Variants in MALRD1 observed in about 807,000 individuals in gnomAD.
MALRD1 encodes MAM and LDL-receptor class A domain-containing protein 1.
In MALRD1, 247 loss-of-function variants were observed where a neutral mutation model predicts 242.1. That is an observed-to-expected ratio of 1.02 (90% CI 0.92 to 1.13). MALRD1 has a LOEUF of 1.13. Ranked by LOEUF, MALRD1 falls within the 50% of genes most tolerant of loss-of-function variation. The probability of loss-of-function intolerance (pLI) is 0.00; values close to 1 mark genes in which losing one functional copy is unlikely to be tolerated. For synonymous variants in MALRD1, 995 were observed against 866.6 expected, an observed-to-expected ratio of 1.15 and a Z score of -2.60; for missense variants, 2,989 against 2,533.1, an observed-to-expected ratio of 1.18 and a Z score of -3.86.
At chr10:19,295,388 A>T (rs1203000962) in intron 21 of MALRD1, among the ~76,000 whole-genome samples, 1 of 151,586 alleles carries the variant, frequency 6.6e-6, no homozygotes, top group Admixed American at 6.6e-5. Flanking sequence ...ATAGTATCCA[A>T]TTGTATATAT....
At chr10:19,275,407 G>A (rs552005792) in intron 19 of MALRD1, among the ~76,000 whole-genome samples, 5 of 152,150 alleles carry the variant, frequency 3.3e-5, no homozygotes, top group Non-Finnish European at 5.9e-5. Flanking sequence ...GGTGGCTCAC[G>A]CCTGTAATCC....
chr10:19,055,890 C>T (rs929672182), intron 1 of MALRD1, among the ~76,000 whole-genome samples: 8 of 152,166 alleles, frequency 5.3e-5, no homozygotes, highest in Non-Finnish European at 7.3e-5. Flanking sequence ...CCACCTATTG[C>T]GTACTATTCT....
chr10:19,426,751 C>T (rs1405299360), intron 28 of MALRD1, among the ~76,000 whole-genome samples: 4 of 152,042 alleles, frequency 2.6e-5, no homozygotes, highest in Admixed American at 6.5e-5. Flanking sequence ...TGCAGTGAGC[C>T]GAGATCGTGC....
chr10:19,657,851 T>C (rs1259318742), intron 36 of MALRD1, among the ~76,000 whole-genome samples: 2 of 152,156 alleles, frequency 1.3e-5, no homozygotes, highest in Non-Finnish European at 2.9e-5. Flanking sequence ...ATTAGTTAAA[T>C]ACACGACTAA....
intron 31 of MALRD1, among the ~76,000 whole-genome samples, chr10:19,515,924 C>T (rs867304836): frequency 8.5e-5 from 13 of 152,242 alleles, no homozygotes; most frequent in Middle Eastern, 6.8e-3. Flanking sequence ...GGACATCATT[C>T]ACATGGGAAT....
intron 35 of MALRD1, among the ~76,000 whole-genome samples, chr10:19,613,768 A>C (rs746744173): frequency 1.3e-5 from 2 of 152,032 alleles, no homozygotes; most frequent in Non-Finnish European, 1.5e-5. Flanking sequence ...TTTCTGCACT[A>C]TCTTTGTATT....
At chr10:19,317,265 T>C (rs888519141) in intron 21 of MALRD1, among the ~76,000 whole-genome samples, 2 of 151,952 alleles carry the variant, frequency 1.3e-5, no homozygotes, top group African/African-American at 4.8e-5. Context: ...TAGAGACTTC[T>C]AGCTGTGTTT....
chr10:19,570,395 G>A (rs766482710), intron 33 of MALRD1, among the ~76,000 whole-genome samples: 2 of 152,054 alleles, frequency 1.3e-5, no homozygotes, highest in African/African-American at 2.4e-5. Flanking sequence ...GGCAAGAAAG[G>A]TTAAGTAATT....
rs74118814 is a variant in MALRD1, at chr10:19,167,691, C to T, written c.1830+1881C>T. ...TTTAGCCAGAGATAATATCAGTGTG[C>T]ATGCCTCCTGAGGACAGGCTGGCTC... On this transcript the variant is annotated intron_variant, in intron 13 of 39. Coordinates refer to ENST00000454679, the MANE Select transcript of MALRD1 (RefSeq NM_001142308.3). 5.8e-3 allele frequency among the ~76,000 whole-genome samples: 879 copies of T among 152,244 alleles called. 15 individuals carry two copies. The highest frequency in any genetic ancestry group is 0.02 in the African/African-American group (843 of 41,538).
chr10:19,503,583 A>G (rs1293991583), intron 31 of MALRD1, among the ~76,000 whole-genome samples: 1 of 152,244 alleles, frequency 6.6e-6, no homozygotes, highest in Non-Finnish European at 1.5e-5. Context: ...TGTAGCTTGA[A>G]TTAATGAAGG....
chr10:19,554,132 G>A (rs1025333560), intron 32 of MALRD1, among the ~76,000 whole-genome samples: 1 of 152,186 alleles, frequency 6.6e-6, no homozygotes, highest in African/African-American at 2.4e-5. Context: ...GAACAAAGTT[G>A]TATTAGTCCA....
chr10:19,336,191 ATTTG>A (rs909425517), intron 24 of MALRD1, among the ~76,000 whole-genome samples: 1 of 152,224 alleles, frequency 6.6e-6, no homozygotes, highest in Non-Finnish European at 1.5e-5. Flanking sequence ...GTCAAAAGTG[ATTTG>A]TGTATCTAGG....
chr10:19,679,283 G>T (rs1842266721), intron 36 of MALRD1, among the ~76,000 whole-genome samples: 1 of 152,118 alleles, frequency 6.6e-6, no homozygotes, highest in Non-Finnish European at 1.5e-5. Flanking sequence ...AAATTCAACT[G>T]GTCGTGGGCT....
chr10:19,524,490 C>G (rs183711740), intron 31 of MALRD1, among the ~76,000 whole-genome samples: 3 of 151,918 alleles, frequency 2.0e-5, no homozygotes, highest in African/African-American at 7.2e-5. Context: ...TGCAGATGCA[C>G]GTTGGAAATC....
chr10:19,180,070 G>C (rs751772628), intron 14 of MALRD1, among the ~76,000 whole-genome samples: 1 of 152,128 alleles, frequency 6.6e-6, no homozygotes, highest in Admixed American at 6.6e-5. Context: ...TTAAAAAGAG[G>C]CAAGAGGAAA....
At chr10:19,168,474 T>C (rs1834792161) in intron 13 of MALRD1, among the ~76,000 whole-genome samples, 1 of 152,236 alleles carries the variant, frequency 6.6e-6, no homozygotes, top group African/African-American at 2.4e-5. Flanking sequence ...CAGTAAGTAA[T>C]TTAGAAATAT....
At chr10:19,449,572 A>G (rs529272824) in intron 28 of MALRD1, among the ~76,000 whole-genome samples, 88 of 152,344 alleles carry the variant, frequency 5.8e-4, no homozygotes, top group African/African-American at 2.0e-3. Context: ...AGAGATGTTG[A>G]AGTCAAATAA....
chr10:19,400,439 G>A (rs4636547), intron 28 of MALRD1, among the ~76,000 whole-genome samples: 131,468 of 151,622 alleles, frequency 0.87, 57,325 homozygotes, highest in African/African-American at 0.91. Flanking sequence ...GAAAAGTTCT[G>A]TTCTCCAGCG....
chr10:19,613,341 G>A (rs80100801), intron 35 of MALRD1, among the ~76,000 whole-genome samples: 3,910 of 151,994 alleles, frequency 0.026, 84 homozygotes, highest in Non-Finnish European at 0.037. Flanking sequence ...TGCCCCTTAT[G>A]CACTTAAAAT....
Sources: allele counts gnomAD v4.1 joint callset (sites outside exome capture counted in the v4.1 genomes callset), GRCh38; gene constraint gnomAD v4.1.1; transcripts MANE v1.5; gene names NCBI Gene and HGNC (gene_info 2026-07-23, HGNC 2026-07-21).